The following PTPN9 variants were observed in gnomAD, a reference collection of about 807,000 sequenced individuals.
The protein encoded by PTPN9 is protein tyrosine phosphatase non-receptor type 9, also known as tyrosine-protein phosphatase non-receptor type 9.
Under a neutral mutation model 69.8 loss-of-function variants are expected in PTPN9, and 26 were observed. The ratio of observed to expected loss-of-function variants is 0.37; its 90% CI spans 0.27 to 0.52. PTPN9 has a LOEUF of 0.52. Among genes scored for constraint, PTPN9 ranks in the 20% least tolerant of loss-of-function variants. PTPN9 has a pLI of 0.91. For missense variants in PTPN9, 549 were observed against 740.3 expected, an observed-to-expected ratio of 0.74 and a Z score of 3.00; for synonymous variants, 274 against 272.5, an observed-to-expected ratio of 1.01 and a Z score of -0.05.
chr15:75,569,139 C>T (rs764978908), intron 1 of PTPN9, among the ~76,000 whole-genome samples: 1 of 152,026 alleles, frequency 6.6e-6, no homozygotes, highest in Non-Finnish European at 1.5e-5. Flanking sequence ...GTCTGATATA[C>T]CAAGGCAGGA....
intron 10 of PTPN9, among the ~76,000 whole-genome samples, chr15:75,471,204 G>A (rs1449590779): frequency 1.3e-5 from 2 of 152,108 alleles, no homozygotes. Context: ...GGGAGGTTTA[G>A]GCAGGAGAAT....
chr15:75,475,150 G>A (rs2074588832), intron 9 of PTPN9, among the ~76,000 whole-genome samples: 1 of 152,120 alleles, frequency 6.6e-6, no homozygotes, highest in Non-Finnish European at 1.5e-5. Flanking sequence ...ACTAAACATG[G>A]TCCTAAGGAC....
At position 75,530,680 on chromosome 15, in the gene PTPN9, T is replaced by TATATAATATACTATTATATA. The variant is rs1567506856; in HGVS notation, c.64-3420_64-3419insTATATAATAGTATATTATAT. On this transcript the variant is annotated intron_variant, in intron 1 of 12. Coordinates refer to ENST00000618819, the MANE Select transcript of PTPN9 (RefSeq NM_002833.4). ...TTATATAATATACTATTATATATAT[T>TATATAATATACTATTATATA]ATTATATTATAATATATATAATATA... Among the ~76,000 whole-genome samples, 6 of 31,808 alleles carry TATATAATATACTATTATATA rather than the reference T, an allele frequency of 1.9e-4. 2 individuals are homozygous for TATATAATATACTATTATATA. The highest frequency in any genetic ancestry group is 1.1e-3 in the African/African-American group (4 of 3,628). 20.9% of individuals were successfully genotyped at this position (31,808 alleles called of 152,430 possible).
rs952376459 is a variant in PTPN9 at position 75,467,252 on chromosome 15, G to T, written c.*1517C>A. On this transcript the variant is annotated 3_prime_UTR_variant, in exon 13 of 13. Transcript: ENST00000618819. ...ATATTAAATACAAAATGAAATGATT[G>T]TAAAAAATAATAATATACACATTCA... 1 of 152,608 alleles carries T rather than the reference G, an allele frequency of 6.6e-6. No homozygotes were observed. Among genetic ancestry groups the T allele is most frequent in the Non-Finnish European group, 1.5e-5 (1 of 68,030 alleles). 9.5% of individuals were successfully genotyped at this position (152,608 alleles called of 1,614,324 possible). A position where few individuals can be genotyped will look rare whatever the true frequency, so the allele number is the denominator to read the frequency against.
intron 7 of PTPN9, among the ~76,000 whole-genome samples, chr15:75,504,575 T>A (rs1410343302): frequency 5.9e-4 from 57 of 95,862 alleles, no homozygotes; most frequent in South Asian, 2.3e-3. Flanking sequence ...GCCTCTGCCC[T>A]GCCGCCCCTA....
Position 75,567,390 on chromosome 15 carries a change from T to A in PTPN9, c.63+11324A>T, listed in dbSNP as rs529330494. 1.1e-4 allele frequency among the ~76,000 whole-genome samples: 16 copies of A among 152,324 alleles called. No homozygotes were observed. The South Asian group carries it at 3.3e-3, about 32-fold the overall frequency. On this transcript the variant is annotated intron_variant, in intron 1 of 12. Transcript: ENST00000618819. ...AATGAATATCATCATATTATCATAA[T>A]GACGTGTATCTGTAATAATGATTCA...
chr15:75,542,817 A>C (rs2075014894), intron 1 of PTPN9, among the ~76,000 whole-genome samples: 1 of 151,760 alleles, frequency 6.6e-6, no homozygotes, highest in South Asian at 2.1e-4. Context: ...ATATTAAAGA[A>C]GGCAATTCAA....
intron 9 of PTPN9, 44 bp downstream of exon 9, chr15:75,479,804 A>C (rs199786718): frequency 1.0e-5 from 15 of 1,486,722 alleles, no homozygotes; most frequent in South Asian, 1.2e-5. Flanking sequence ...AGGAATCATA[A>C]GTAGATGGCA....
intron 5 of PTPN9, 105 bp from the exon 6 acceptor site, chr15:75,509,132 G>T: frequency 1.2e-6 from 1 of 860,652 alleles, no homozygotes; most frequent in Non-Finnish European, 1.9e-6. Context: ...AGCAGGGGGA[G>T]TCTACAGCCT....
At chr15:75,567,495 C>T (rs562889143) in intron 1 of PTPN9, among the ~76,000 whole-genome samples, 1 of 152,270 alleles carries the variant, frequency 6.6e-6, no homozygotes, top group East Asian at 1.9e-4. Context: ...CATCCCCAAA[C>T]ACTTCAGTCC....
chr15:75,548,292 G>C (rs2075042733), intron 1 of PTPN9, among the ~76,000 whole-genome samples: 1 of 145,944 alleles, frequency 6.9e-6, no homozygotes, highest in African/African-American at 2.5e-5. Context: ...TCTCACTCTT[G>C]TCACCCAGGC....
chr15:75,492,152 T>TGTGA (rs2074714622), intron 7 of PTPN9, among the ~76,000 whole-genome samples: 1 of 152,176 alleles, frequency 6.6e-6, no homozygotes, highest in Non-Finnish European at 1.5e-5. Context: ...GGATTATAGG[T>TGTGA]GTGAGTCACC....
intron 1 of PTPN9, among the ~76,000 whole-genome samples, chr15:75,544,762 A>T (rs1006408280): frequency 1.3e-5 from 2 of 152,136 alleles, no homozygotes; most frequent in Non-Finnish European, 2.9e-5. Context: ...GGAAAAAAAA[A>T]TTTAAAGAGC....
At chr15:75,491,103 T>C (rs1003835749) in intron 7 of PTPN9, among the ~76,000 whole-genome samples, 2 of 151,350 alleles carry the variant, frequency 1.3e-5, no homozygotes, top group African/African-American at 4.9e-5. Flanking sequence ...AGAGAAACCC[T>C]GACTTAAAAA....
rs1220324074 is a variant in PTPN9, at chr15:75,579,262, C to G, written c.-486G>C. 1.3e-5 allele frequency: 2 copies of G among 152,172 alleles called. No homozygotes were observed. Among genetic ancestry groups the G allele is most frequent in the African/African-American group, 4.8e-5 (2 of 41,446 alleles). The allele number at this position is 152,172 out of a possible 1,614,324, so 9.4% of individuals were successfully genotyped here. A position where few individuals can be genotyped will look rare whatever the true frequency, so the allele number is the denominator to read the frequency against. On this transcript the variant is annotated 5_prime_UTR_variant, in exon 1 of 13. Transcript: ENST00000618819. ...GCCGTCCTCGCGGACGCTGGCCCTG[C>G]GACCTGCGCGGCTGCCTCAGCCAGG...
At chr15:75,554,468 A>G (rs925568225) in intron 1 of PTPN9, among the ~76,000 whole-genome samples, 1 of 152,134 alleles carries the variant, frequency 6.6e-6, no homozygotes, top group African/African-American at 2.4e-5. Flanking sequence ...TGCCAGAATT[A>G]CAGGCGTGAG....
intron 8 of PTPN9, among the ~76,000 whole-genome samples, chr15:75,480,417 A>C (rs1438474061): frequency 6.6e-6 from 1 of 151,936 alleles, no homozygotes; most frequent in African/African-American, 2.4e-5. Context: ...ATCCTGGCTA[A>C]CACGGCGAAA....
chr15:75,490,965 C>T (rs986381302), intron 7 of PTPN9, among the ~76,000 whole-genome samples: 2 of 151,826 alleles, frequency 1.3e-5, no homozygotes, highest in African/African-American at 2.4e-5. Flanking sequence ...AAAAATTAGC[C>T]GGGCATCATG....
intron 9 of PTPN9, 78 bp from the exon 10 acceptor site, chr15:75,473,845 C>T: frequency 5.4e-6 from 6 of 1,106,308 alleles, no homozygotes; most frequent in Non-Finnish European, 8.2e-6. Context: ...TGTTTTACTC[C>T]CCAATGGTAA....
Sources: allele counts gnomAD v4.1 joint callset (sites outside exome capture counted in the v4.1 genomes callset), GRCh38; gene constraint gnomAD v4.1.1; transcripts MANE v1.5; gene names NCBI Gene and HGNC (gene_info 2026-07-23, HGNC 2026-07-21).